FCAMR: variants seen among roughly 807,000 people sequenced by gnomAD.
FCAMR encodes the protein high affinity immunoglobulin alpha and immunoglobulin mu Fc receptor.
FCAMR carries 51 observed loss-of-function variants against 52.2 expected under a neutral mutation model. The ratio of observed to expected loss-of-function variants is 0.98; its 90% CI spans 0.78 to 1.23. The LOEUF is 1.23. Ranked by LOEUF, FCAMR falls within the 50% of genes most tolerant of loss-of-function variation. The pLI is 0.00. For synonymous variants in FCAMR, 282 were observed against 262.0 expected (o/e 1.08, Z -0.74); for missense variants, 719 against 712.6 (o/e 1.01, Z -0.10).
rs1680746812 is a variant in FCAMR at position 206,967,128 on chromosome 1, TA to T, written c.109-17del. 6.2e-7 allele frequency: 1 copy of T among 1,613,128 alleles called. No individual in the cohort carries two copies. Among genetic ancestry groups the T allele is most frequent in the Admixed American group, 1.7e-5 (1 of 59,922 alleles). ...TGCTGGTGACCTGCAAAAAACACTC[TA>T]AATGAAAAGAGGCCTGAGAGAAGCT... is the stretch of plus-strand genomic sequence containing the variant. On this transcript the variant is annotated splice_polypyrimidine_tract_variant and intron_variant, in intron 2 of 7. Coordinates refer to ENST00000324852, the MANE Select transcript of FCAMR (RefSeq NM_001170631.2).
intron 7 of FCAMR, 35 bp from the exon 8 acceptor site, chr1:206,958,711 G>C (rs1374984029): frequency 1.9e-6 from 3 of 1,613,510 alleles, no homozygotes; most frequent in Admixed American, 3.3e-5. Context: ...GAGGGTTCTG[G>C]GTAAGGACAG....
At chr1:206,960,372 G>T in intron 6 of FCAMR, 50 bp downstream of exon 6, 1 of 1,448,876 alleles carries the variant, frequency 6.9e-7, no homozygotes. Context: ...GCATGCCAGG[G>T]ATGAGGCAGA....
At chr1:206,964,703 C>T (rs1680639864) in intron 4 of FCAMR, among the ~76,000 whole-genome samples, 1 of 151,970 alleles carries the variant, frequency 6.6e-6, no homozygotes, top group South Asian at 2.1e-4. Context: ...GCCTGCAGAA[C>T]CGTGAGCAAA....
At chr1:206,959,487 A>T (rs573591335) in intron 7 of FCAMR, among the ~76,000 whole-genome samples, 192 bp downstream of exon 7, 1 of 151,480 alleles carries the variant, frequency 6.6e-6, no homozygotes, top group Non-Finnish European at 1.5e-5. Context: ...AAAAAAAAAA[A>T]AAAAGAAAAG....
rs750446600 is a variant in FCAMR, at chr1:206,959,673, A to G, written c.1573+6T>C. 8.1e-6 allele frequency: 13 copies of G among 1,611,296 alleles called. No individual in the cohort carries two copies. The highest frequency in any genetic ancestry group is 4.0e-5 in the African/African-American group (3 of 74,758). ...TTCTATCTAGCCTTGGGGCTACTCA[A>G]CTCACAGGTCCTCCTTCTCCAGAGC... is the stretch of plus-strand genomic sequence containing the variant. On this transcript the variant is annotated splice_donor_region_variant and intron_variant, in intron 7 of 7. Transcript: ENST00000324852.
Position 206,965,768 on chromosome 1 carries a change from C to T in FCAMR, c.260G>A (p.Gly87Glu), listed in dbSNP as rs868612241. Residue 87 changes from glycine to glutamate, a missense_variant, in exon 4 of 8, where the codon GGA becomes GAA. Physicochemically the swap from Gly to Glu is moderately conservative, Grantham distance 98 (BLOSUM62 -2). Transcript: ENST00000324852. ...LPSRTHLRAMGTLRPSSPLCW... is the reference protein window; with the variant it reads ...LPSRTHLRAMETLRPSSPLCW... The stretch of plus-strand genomic sequence containing the variant: ...GAGGGGCGAGGAAGGCCTGAGTGTT[C>T]CCATGGCCCGGAGATGGGTCCTGGA... 5.7e-6 allele frequency: 9 copies of T among 1,581,636 alleles called. No individual in the cohort carries two copies. The African/African-American group carries it at 6.9e-5, about 12-fold the overall frequency.
Position 206,960,992 on chromosome 1 carries a change from C to T in FCAMR, c.884G>A (p.Gly295Asp). ...GATRPAAPGT[G>D]SWAEGSVKAP... is the part of the protein sequence containing the mutation. ...TTTGACAGAACCCTCTGCCCAGCTG[C>T]CTGTCCCTGGAGCTGCTGGCCTGGT... Residue 295 changes from glycine to aspartate, a missense_variant, in exon 6 of 8, where the codon GGC becomes GAC. Gly to Asp is a moderately conservative substitution (Grantham distance 94). Coordinates refer to ENST00000324852, the MANE Select transcript of FCAMR (RefSeq NM_001170631.2). 2.6e-6 allele frequency: 4 copies of T among 1,551,910 alleles called. No individual in the cohort carries two copies. Among genetic ancestry groups the T allele is most frequent in the South Asian group, 1.2e-5 (1 of 84,070 alleles).
chr1:206,961,465 T>C (rs911099135), intron 5 of FCAMR, among the ~76,000 whole-genome samples: 4 of 152,234 alleles, frequency 2.6e-5, no homozygotes, highest in African/African-American at 7.2e-5. Context: ...CCTTCTCCCA[T>C]GCCCACATAT....
intron 1 of FCAMR, among the ~76,000 whole-genome samples, chr1:206,968,606 A>G (rs1284659748): frequency 6.6e-6 from 1 of 152,176 alleles, no homozygotes; most frequent in Non-Finnish European, 1.5e-5. Flanking sequence ...TCACTCCCCA[A>G]ACAGTTTAAG....
chr1:206,965,581 A>G, intron 4 of FCAMR, 134 bp downstream of exon 4: 3 of 1,116,378 alleles, frequency 2.7e-6, no homozygotes, highest in Non-Finnish European at 3.6e-6. Context: ...ATTGTTACTC[A>G]GCAATTGTCT....
At chr1:206,958,813 G>C in intron 7 of FCAMR, 137 bp from the exon 8 acceptor site, 2 of 1,152,054 alleles carry the variant, frequency 1.7e-6, no homozygotes, top group Non-Finnish European at 2.6e-6. Context: ...AGTTGGCTAG[G>C]CTAAGCCAGC....
At position 206,970,330 on chromosome 1, in the gene FCAMR, T is replaced by C; in HGVS notation, c.-205A>G. The C allele has an allele frequency of 1.7e-6, 1 of 571,460 alleles. No homozygotes were observed. The highest frequency in any genetic ancestry group is 3.1e-6 in the Non-Finnish European group (1 of 322,236). The allele number at this position is 571,460 out of a possible 1,614,324, so 35.4% of individuals were successfully genotyped here. A position where few individuals can be genotyped will look rare whatever the true frequency, so the allele number is the denominator to read the frequency against. On this transcript the variant is annotated 5_prime_UTR_variant, in exon 1 of 8. Transcript: ENST00000324852. ...TCAAGTCACTTCTCTTTGGATTTTATTATTTATAAGAGGAAGCCAGTCCTA... is the reference window on the plus strand; with the variant it reads ...TCAAGTCACTTCTCTTTGGATTTTACTATTTATAAGAGGAAGCCAGTCCTA...
rs1231822812 is a variant in FCAMR, at chr1:206,962,326, A to C, written c.539T>G (p.Leu180Trp). 1.2e-6 allele frequency: 2 copies of C among 1,614,068 alleles called. No homozygotes were observed. Among genetic ancestry groups the C allele is most frequent in the Non-Finnish European group, 1.7e-6 (2 of 1,180,032 alleles). Residue 180 changes from leucine to tryptophan, a missense_variant, in exon 5 of 8, where the codon TTG (leucine) becomes TGG (tryptophan). Physicochemically the swap from Leu to Trp is moderately conservative, Grantham distance 61. Coordinates refer to ENST00000324852, the MANE Select transcript of FCAMR (RefSeq NM_001170631.2). The stretch of plus-strand genomic sequence containing the variant: ...CAGTTGGGACAGCCTCACCACAAAC[A>C]AGCCTCTCTGTGGAAAGTCTGTGAG... ...VALTDFPQRGLFVVRLSQLSP... is the reference protein window; with the variant it reads ...VALTDFPQRGWFVVRLSQLSP...
chr1:206,959,837 G>A (rs369218708), intron 6 of FCAMR, 40 bp from the exon 7 acceptor site: 2 of 1,495,552 alleles, frequency 1.3e-6, no homozygotes, highest in Non-Finnish European at 1.9e-6. Context: ...AGAGGAGGTT[G>A]GAGCTGGGCA....
rs1558026839 is a variant in FCAMR at position 206,965,704 on chromosome 1, A to T, written c.313+11T>A. ...GTCCATGGTCGAACAAAGGGAGAGT[A>T]GGGGTTGTACCTGCAAAGGAGCTCT... On this transcript the variant is annotated intron_variant, in intron 4 of 7. Transcript: ENST00000324852. The T allele has an allele frequency of 6.4e-7, 1 of 1,556,092 alleles. No homozygotes were observed. Among genetic ancestry groups the T allele is most frequent in the East Asian group, 2.3e-5 (1 of 42,686 alleles).
chr1:206,961,335 G>A (rs959789209), intron 5 of FCAMR, 112 bp from the exon 6 acceptor site: 98 of 801,976 alleles, frequency 1.2e-4, no homozygotes, highest in Admixed American at 2.4e-4. Context: ...ACCTCACTAA[G>A]AGTTGCAGTC....
Position 206,960,817 on chromosome 1 carries a change from A to C in FCAMR, c.1059T>G (p.Asp353Glu), listed in dbSNP as rs1558023589. 2.6e-6 allele frequency: 4 copies of C among 1,552,386 alleles called. No homozygotes were observed. Among genetic ancestry groups the C allele is most frequent in the Non-Finnish European group, 3.5e-6 (4 of 1,147,154 alleles). The change falls in exon 6 of 8, where the codon GAT becomes GAG. Residue 353 changes from aspartate (D) to glutamate (E), a missense_variant. Physicochemically the swap from Asp to Glu is conservative, Grantham distance 45. Transcript: ENST00000324852. ...CCCCCTCTATGTCCTCCCTTGGCCT[A>C]TCAGCCTTGGTAGTTGTCATCTCCC... is the stretch of plus-strand genomic sequence containing the variant. ...DRREMTTTKADRPREDIEGVR... is the reference protein window; with the variant it reads ...DRREMTTTKAERPREDIEGVR...
rs1472578820 is a variant in FCAMR, at chr1:206,967,654, G to A, written c.40-3C>T. On this transcript the variant is annotated splice_region_variant and splice_polypyrimidine_tract_variant and intron_variant, in intron 1 of 7. Coordinates refer to ENST00000324852, the MANE Select transcript of FCAMR (RefSeq NM_001170631.2). ...TCTCTTCCTCTCCTCACCACTTCCT[G>A]TTTGCAGAAGGGGAATTGGTTTTTT... 3 of 1,613,892 alleles carry A rather than the reference G, an allele frequency of 1.9e-6. No individual in the cohort carries two copies. The highest frequency in any genetic ancestry group is 1.7e-6 in the Non-Finnish European group (2 of 1,179,806).
chr1:206,967,488 T>C, intron 2 of FCAMR, 95 bp downstream of exon 2: 1 of 1,335,052 alleles, frequency 7.5e-7, no homozygotes, highest in Non-Finnish European at 1.1e-6. Context: ...AAACTCTAGT[T>C]GGAATTGTGG....
Sources: allele counts gnomAD v4.1 joint callset (sites outside exome capture counted in the v4.1 genomes callset), GRCh38; gene constraint gnomAD v4.1.1; transcripts MANE v1.5; gene names NCBI Gene and HGNC (gene_info 2026-07-23, HGNC 2026-07-21).